Variants in ZAN observed in about 807,000 individuals in gnomAD.
The protein encoded by ZAN is zonadhesin.
Under a neutral mutation model 286.2 loss-of-function variants are expected in ZAN, and 260 were observed. The observed-to-expected ratio is 0.91, with a 90% CI of 0.82 to 1.01. The LOEUF is 1.01. ZAN is among the 50% of genes least tolerant of loss of function. The probability of loss-of-function intolerance (pLI) is 0.00; values close to 1 mark genes in which losing one functional copy is unlikely to be tolerated. For synonymous variants in ZAN, 1,368 were observed against 1,417.5 expected, an observed-to-expected ratio of 0.97 and a Z score of 0.79; for missense variants, 3,410 against 3,639.2, an observed-to-expected ratio of 0.94 and a Z score of 1.62.
At position 100,744,699 on chromosome 7, in the gene ZAN, A is replaced by C. The variant is rs1227321252; in HGVS notation, c.767-1839A>C. ...CGACCAGCCCTCTCTGCAACCCCTC[A>C]GCATTTAGCACCGTGTACCGCGCCC... On this transcript the variant is annotated intron_variant, in intron 7 of 47. Transcript: ENST00000613979. Among the ~76,000 whole-genome samples the C allele has an allele frequency of 5.3e-5, 8 of 151,552 alleles. No individual in the cohort carries two copies. In the East Asian group the frequency reaches 1.5e-3, roughly 29 times the overall value.
At chr7:100,774,080 G>A (rs1218672228) in intron 31 of ZAN, among the ~76,000 whole-genome samples, 1 of 152,140 alleles carries the variant, frequency 6.6e-6, no homozygotes, top group East Asian at 1.9e-4. Context: ...CACCAACTTA[G>A]ATGGGATATT....
intron 7 of ZAN, among the ~76,000 whole-genome samples, chr7:100,745,723 T>TA (rs58506423): frequency 0.014 from 1,898 of 133,346 alleles, 40 homozygotes; most frequent in African/African-American, 0.046. Flanking sequence ...GCCCATCTCT[T>TA]AAAAAAAAAA....
rs1362240021 is a variant in ZAN, at chr7:100,748,766, T to C, written c.1249+296T>C. ...AGTCTAGACGTTTATGAGTGGCTCA[T>C]GCCTGCAATTCCAGCACTTTGAGAG... is the stretch of plus-strand genomic sequence containing the variant. On this transcript the variant is annotated intron_variant, in intron 11 of 47. Coordinates refer to ENST00000613979, the MANE Select transcript of ZAN (RefSeq NM_003386.3). Among the ~76,000 whole-genome samples, 3 of 152,228 alleles carry C rather than the reference T, an allele frequency of 2.0e-5. No homozygotes were observed. In the East Asian group the frequency reaches 5.8e-4, roughly 29 times the overall value.
rs554121892 is a variant in ZAN, at chr7:100,743,572, T to A, written c.767-2966T>A. On this transcript the variant is annotated intron_variant, in intron 7 of 47. Transcript: ENST00000613979. ...AGTTTATAATTCTTATTTTTGAATT[T>A]AAAAAAATGTTTTTAAAAACTAGGC... Among the ~76,000 whole-genome samples the A allele has an allele frequency of 1.2e-4, 19 of 152,154 alleles. No individual in the cohort carries two copies. The South Asian group carries it at 2.7e-3, about 22-fold the overall frequency.
chr7:100,767,358 GAGCACCTGGGA>G (rs1810059405), intron 25 of ZAN, 101 bp downstream of exon 25: 3 of 1,498,054 alleles, frequency 2.0e-6, no homozygotes, highest in Non-Finnish European at 1.8e-6. Flanking sequence ...TGGCTCCTTA[GAGCACCTGGGA>G]AGCACCTGCA....
At position 100,752,859 on chromosome 7, in the gene ZAN, A is replaced by G; in HGVS notation, c.2754A>G (p.Glu918=). Residue 918 remains glutamate (E), a synonymous_variant, in exon 14 of 48, where the codon GAA becomes GAG. Coordinates refer to ENST00000613979, the MANE Select transcript of ZAN (RefSeq NM_003386.3). ...ISPEKPTIST[E]KPTIPTEKPT... is the part of the protein sequence containing the mutation. The stretch of plus-strand genomic sequence containing the variant: ...CAGAAAAACCCACCATCTCCACGGA[A>G]AAACCCACCATCCCCACGGAAAAAC... 6.2e-7 allele frequency: 1 copy of G among 1,609,714 alleles called. No homozygotes were observed. The highest frequency in any genetic ancestry group is 8.5e-7 in the Non-Finnish European group (1 of 1,178,620).
intron 34 of ZAN, 39 bp downstream of exon 34, chr7:100,776,603 T>G (rs1216497115): frequency 2.1e-6 from 3 of 1,463,378 alleles, no homozygotes; most frequent in Admixed American, 2.4e-5. Flanking sequence ...TTCTTTCTTT[T>G]TCTTTCTTTG....
chr7:100,762,728 C>T (rs1258734966), intron 20 of ZAN, among the ~76,000 whole-genome samples: 4 of 148,960 alleles, frequency 2.7e-5, no homozygotes, highest in Admixed American at 2.0e-4. Flanking sequence ...CCACCACGTC[C>T]AGCCCTCCAC....
chr7:100,751,854 G>T lies in ZAN; in HGVS notation c.1749G>T (p.Lys583Asn). Reference protein sequence around the residue: ...SIEKPSVTTEKPTVPKEKPTI... With the variant: ...SIEKPSVTTENPTVPKEKPTI... Reference sequence around the variant, plus strand: ...AAAAACCCAGTGTCACCACAGAAAAGCCCACAGTCCCCAAAGAAAAGCCCA... The same window carrying T: ...AAAAACCCAGTGTCACCACAGAAAATCCCACAGTCCCCAAAGAAAAGCCCA... The change falls in exon 14 of 48, where the codon AAG (lysine) becomes AAT (asparagine). Residue 583 changes from lysine (K) to asparagine (N), a missense_variant. Lys to Asn is a moderately conservative substitution (Grantham distance 94). Around this residue, in one of 7 missense-constraint regions of ZAN, gnomAD observed 872 missense variants for 938.9 expected, o/e 0.93. Coordinates refer to ENST00000613979, the MANE Select transcript of ZAN (RefSeq NM_003386.3). 1 of 1,611,420 alleles carries T rather than the reference G, an allele frequency of 6.2e-7. No individual in the cohort carries two copies. Among genetic ancestry groups the T allele is most frequent in the Non-Finnish European group, 8.5e-7 (1 of 1,179,110 alleles).
rs746813523 is a variant in ZAN, at chr7:100,747,690, A to G, written c.1023+49A>G. 1.4e-5 allele frequency: 22 copies of G among 1,542,418 alleles called. No individual in the cohort carries two copies. In the Admixed American group the frequency reaches 2.0e-4, roughly 14 times the overall value. ...TCCTTGCACATGGTAGGCACACCCA[A>G]TGTTGAAATAAATTGAGGGGCCTGG... On this transcript the variant is annotated intron_variant, in intron 9 of 47. Coordinates refer to ENST00000613979, the MANE Select transcript of ZAN (RefSeq NM_003386.3).
At chr7:100,769,313 C>G (rs1009501526) in intron 27 of ZAN, among the ~76,000 whole-genome samples, 2 of 151,866 alleles carry the variant, frequency 1.3e-5, no homozygotes, top group Non-Finnish European at 2.9e-5. Flanking sequence ...AGGCTAGTCT[C>G]AAACTCCTGA....
In ZAN at chr7:100,787,922, G is replaced by C; in HGVS notation, c.7013G>C (p.Arg2338Pro). The change falls in exon 38 of 48, where the codon CGT (arginine) becomes CCT (proline). Residue 2338 changes from arginine (R) to proline (P), a missense_variant. Around this residue, in one of 7 missense-constraint regions of ZAN, gnomAD observed 1,289 missense variants for 1,314.3 expected, o/e 0.98. Coordinates refer to ENST00000613979, the MANE Select transcript of ZAN (RefSeq NM_003386.3). Reference protein sequence around the residue: ...SEQCSVYGDPRYLTFDGFSYR... With the variant: ...SEQCSVYGDPPYLTFDGFSYR... ...CAATGCTCAGTCTATGGCGACCCCC[G>C]TTACCTCACATTTGACGGCTTCAGC... 1.3e-6 allele frequency: 2 copies of C among 1,541,574 alleles called. No homozygotes were observed. The highest frequency in any genetic ancestry group is 2.2e-5 in the East Asian group (1 of 44,760).
chr7:100,736,533 T>C lies in ZAN; in HGVS notation c.157T>C (p.Trp53Arg). 2.0e-6 allele frequency: 3 copies of C among 1,523,790 alleles called. No individual in the cohort carries two copies. In the South Asian group the frequency reaches 3.4e-5, roughly 17 times the overall value. The allele number at this position is 1,523,790 out of a possible 1,614,324, so 94.4% of individuals were successfully genotyped here. The change falls in exon 4 of 48, where the codon TGG becomes CGG. Residue 53 changes from tryptophan to arginine, a missense_variant. Around this residue, in one of 7 missense-constraint regions of ZAN, gnomAD observed 872 missense variants for 938.9 expected, o/e 0.93. Transcript: ENST00000613979. ...FEDDAKPLCD[W>R]SQVSADDEDW... ...GGATGACGCCAAACCCCTCTGTGAC[T>C]GGTCCCAAGTGTCCGCAGACGATGA...
Position 100,797,694 on chromosome 7 carries a change from GC to G in ZAN, c.8414-12del. 2.5e-6 allele frequency: 4 copies of G among 1,613,990 alleles called. No individual in the cohort carries two copies. The highest frequency in any genetic ancestry group is 3.4e-6 in the Non-Finnish European group (4 of 1,179,904). On this transcript the variant is annotated splice_polypyrimidine_tract_variant and intron_variant, in intron 47 of 47. Transcript: ENST00000613979. ...GTCTCCTCTCATACATGGTTTTCTT[GC>G]TTTCTCCTCAGATACTGTTCTGGAC... is the stretch of plus-strand genomic sequence containing the variant.
rs1810026957 is a variant in ZAN at position 100,767,068 on chromosome 7, G to A, written c.4671G>A (p.Leu1557=). The A allele has an allele frequency of 1.2e-6, 2 of 1,613,790 alleles. No individual in the cohort carries two copies. The highest frequency in any genetic ancestry group is 1.7e-6 in the Non-Finnish European group (2 of 1,179,864). The change falls in exon 25 of 48, where the codon TTG becomes TTA. Residue 1557 remains leucine (L), a synonymous_variant. Transcript: ENST00000613979. ...ACTACCTGACCTTCGATGGCGCCTT[G>A]CACCACTTCATGGGCACCTGCACCT... ...DPHYLTFDGA[L]HHFMGTCTYV...
intron 14 of ZAN, among the ~76,000 whole-genome samples, chr7:100,754,535 G>A (rs1809010135): frequency 2.0e-5 from 3 of 151,746 alleles, no homozygotes; most frequent in South Asian, 2.1e-4. Context: ...ACAGGGTCTC[G>A]CTCTGTCACC....
Position 100,736,803 on chromosome 7 carries a change from C to A in ZAN, c.254-6C>A. The A allele has an allele frequency of 6.8e-6, 10 of 1,469,010 alleles. 4 individuals are homozygous for A. Among genetic ancestry groups the A allele is most frequent in the Non-Finnish European group, 9.3e-6 (10 of 1,080,562 alleles). The allele number at this position is 1,469,010 out of a possible 1,614,324, so 91.0% of individuals were successfully genotyped here. A position where few individuals can be genotyped will look rare whatever the true frequency, so the allele number is the denominator to read the frequency against. ...GCCTCAGTGTCTTGGGCTCTGCCTC[C>A]CCCAGAGGGCAGCTATCTGCATATG... On this transcript the variant is annotated splice_region_variant and splice_polypyrimidine_tract_variant and intron_variant, in intron 4 of 47. Transcript: ENST00000613979.
At position 100,768,740 on chromosome 7, in the gene ZAN, G is replaced by T. The variant is rs769497050; in HGVS notation, c.5153+19G>T. ...AACCTGGGTGAGCTGGGGGTCAGGG[G>T]AGCCAGGCAGGAGGGGCTGGGCCTG... On this transcript the variant is annotated intron_variant, in intron 27 of 47. Coordinates refer to ENST00000613979, the MANE Select transcript of ZAN (RefSeq NM_003386.3). The T allele has an allele frequency of 3.8e-6, 6 of 1,570,814 alleles. No individual in the cohort carries two copies. Among genetic ancestry groups the T allele is most frequent in the Admixed American group, 1.9e-5 (1 of 52,872 alleles).
chr7:100,758,513 TCTC>T lies in ZAN; in HGVS notation c.3452-15_3452-13del, dbSNP rs773416749. ...GAGCCACAGAAGCAGCTTCGCCTGT[TCTC>T]CTTCCCCCTCCCAGCAGGCACTGCC... On this transcript the variant is annotated splice_polypyrimidine_tract_variant and intron_variant, in intron 16 of 47. Coordinates refer to ENST00000613979, the MANE Select transcript of ZAN (RefSeq NM_003386.3). 31 of 1,555,118 alleles carry T rather than the reference TCTC, an allele frequency of 2.0e-5. No individual in the cohort carries two copies. The highest frequency in any genetic ancestry group is 1.7e-4 in the Middle Eastern group (1 of 5,992).
Sources: allele counts gnomAD v4.1 joint callset (sites outside exome capture counted in the v4.1 genomes callset), GRCh38; gene constraint gnomAD v4.1.1; regional missense constraint gnomAD v4.1.1; transcripts MANE v1.5; gene names NCBI Gene and HGNC (gene_info 2026-07-23, HGNC 2026-07-21).